Variants in PPP3CC observed in about 807,000 individuals in gnomAD.
PPP3CC encodes serine/threonine-protein phosphatase 2B catalytic subunit gamma isoform.
PPP3CC carries 35 observed loss-of-function variants against 60.3 expected under a neutral mutation model. That is an observed-to-expected ratio of 0.58 (90% CI 0.44 to 0.77). The LOEUF is 0.77. Among genes scored for constraint, PPP3CC ranks in the 30% least tolerant of loss-of-function variants. The pLI is 0.00. For synonymous variants in PPP3CC, 206 were observed against 224.3 expected (o/e 0.92, Z 0.73); for missense variants, 570 against 628.9 (o/e 0.91, Z 1.00).
intron 4 of PPP3CC, among the ~76,000 whole-genome samples, chr8:22,510,182 C>CA (rs71546815): frequency 0.55 from 48,048 of 87,898 alleles, 11,472 homozygotes; most frequent in East Asian, 0.63. Context: ...GACTCCGTCT[C>CA]AAAAAAAAAA....
chr8:22,503,801 CT>C, intron 4 of PPP3CC, among the ~76,000 whole-genome samples: 1 of 152,244 alleles, frequency 6.6e-6, no homozygotes, highest in South Asian at 2.1e-4. Context: ...GATATTCCTT[CT>C]TTTTTATTAT....
chr8:22,511,546 A>G (rs1233169856), intron 5 of PPP3CC, among the ~76,000 whole-genome samples: 1 of 152,180 alleles, frequency 6.6e-6, no homozygotes, highest in Admixed American at 6.5e-5. Flanking sequence ...CTGGGATTAC[A>G]GGTGTGAGCC....
intron 1 of PPP3CC, among the ~76,000 whole-genome samples, chr8:22,445,640 A>G (rs1836798130): frequency 6.6e-6 from 1 of 152,200 alleles, no homozygotes; most frequent in East Asian, 1.9e-4. Flanking sequence ...ATCAGCATGG[A>G]AATGGTTTTA....
rs553730967 is a variant in PPP3CC at position 22,523,194 on chromosome 8, CA to C, written c.943+454del. On this transcript the variant is annotated intron_variant, in intron 8 of 13. Transcript: ENST00000240139. ...GGTAGAGTGACCTAGTGTACAAAGT[CA>C]AAAAAAAACCTTCATTTTTAGTTTA... Among the ~76,000 whole-genome samples, 1,069 of 149,718 alleles carry C rather than the reference CA, an allele frequency of 7.1e-3. 10 individuals are homozygous for C. The highest frequency in any genetic ancestry group is 0.021 in the Middle Eastern group (6 of 290).
intron 4 of PPP3CC, among the ~76,000 whole-genome samples, chr8:22,510,163 A>T (rs1839042906): frequency 7.0e-6 from 1 of 143,440 alleles, no homozygotes; most frequent in African/African-American, 2.6e-5. Context: ...AGCCTGGGGG[A>T]CAGAGCAAGA....
chr8:22,472,443 A>G (rs1837757410), intron 1 of PPP3CC, among the ~76,000 whole-genome samples: 1 of 148,794 alleles, frequency 6.7e-6, no homozygotes, highest in Non-Finnish European at 1.5e-5. Flanking sequence ...GATCATGAAT[A>G]TCCCTGGCTT....
rs111999317 is a variant in PPP3CC at position 22,510,328 on chromosome 8, A to G, written c.485-758A>G. On this transcript the variant is annotated intron_variant, in intron 4 of 13. Transcript: ENST00000240139. Reference sequence around the variant, plus strand: ...ACACCAGTTTAAGCCAAATGTTTTTAGAGAAAATAGAATCAAGACATAATT... The same window carrying G: ...ACACCAGTTTAAGCCAAATGTTTTTGGAGAAAATAGAATCAAGACATAATT... 3.8e-3 allele frequency among the ~76,000 whole-genome samples: 585 copies of G among 152,322 alleles called. 4 individuals are homozygous for G. Among genetic ancestry groups the G allele is most frequent in the Non-Finnish European group, 5.5e-3 (371 of 68,034 alleles).
At chr8:22,500,823 T>C (rs1436114367) in intron 4 of PPP3CC, among the ~76,000 whole-genome samples, 1 of 152,212 alleles carries the variant, frequency 6.6e-6, no homozygotes, top group Non-Finnish European at 1.5e-5. Context: ...CAGCAGCTAA[T>C]TACCAGGAAG....
At chr8:22,479,234 ATTTATT>A (rs573786998) in intron 3 of PPP3CC, among the ~76,000 whole-genome samples, 184 of 152,248 alleles carry the variant, frequency 1.2e-3, no homozygotes, top group Non-Finnish European at 1.7e-3. Context: ...GTTATAAATA[ATTTATT>A]TTTAATAGAA....
intron 3 of PPP3CC, among the ~76,000 whole-genome samples, chr8:22,491,317 T>G (rs886674234): frequency 2.0e-5 from 3 of 152,206 alleles, no homozygotes; most frequent in Admixed American, 1.3e-4. Flanking sequence ...AGAATTCCTA[T>G]TTCCTCACAT....
chr8:22,449,983 C>T (rs1381724334), intron 1 of PPP3CC, among the ~76,000 whole-genome samples: 1 of 151,526 alleles, frequency 6.6e-6, no homozygotes, highest in East Asian at 1.9e-4. Flanking sequence ...TATCCTGCCT[C>T]AGCCTCCTGA....
intron 3 of PPP3CC, among the ~76,000 whole-genome samples, chr8:22,490,337 G>A (rs1227579904): frequency 6.6e-6 from 1 of 152,048 alleles, no homozygotes; most frequent in Non-Finnish European, 1.5e-5. Flanking sequence ...TATTCTGTCG[G>A]GTTCCCAGGT....
At chr8:22,506,819 G>A (rs933029310) in intron 4 of PPP3CC, among the ~76,000 whole-genome samples, 97 of 152,200 alleles carry the variant, frequency 6.4e-4, no homozygotes, top group African/African-American at 2.1e-3. Context: ...GTGGGTGCCT[G>A]TAGTCCCAGC....
chr8:22,498,104 A>G lies in PPP3CC; in HGVS notation c.476A>G (p.Lys159Arg), dbSNP rs1178259768. 1.9e-6 allele frequency: 3 copies of G among 1,602,548 alleles called. No individual in the cohort carries two copies. The highest frequency in any genetic ancestry group is 2.7e-5 in the African/African-American group (2 of 74,784). Residue 159 changes from lysine to arginine, a missense_variant, in exon 4 of 14, where the codon AAA becomes AGA. By Grantham distance (26) the Lys-to-Arg change is conservative. Coordinates refer to ENST00000240139, the MANE Select transcript of PPP3CC (RefSeq NM_005605.5). ...CRHLTDYFTF[K>R]QECRIKYSEQ... is the part of the protein sequence containing the mutation. Reference sequence around the variant, plus strand: ...CATCTTACAGACTATTTCACCTTCAAACAGGAATGTAAGTATAATCACTCC... The same window carrying G: ...CATCTTACAGACTATTTCACCTTCAGACAGGAATGTAAGTATAATCACTCC...
intron 3 of PPP3CC, among the ~76,000 whole-genome samples, chr8:22,492,064 T>C (rs1263509709): frequency 1.3e-5 from 2 of 151,952 alleles, no homozygotes; most frequent in Non-Finnish European, 2.9e-5. Context: ...CATCATAGAG[T>C]GTACTTACAT....
intron 1 of PPP3CC, among the ~76,000 whole-genome samples, chr8:22,447,701 C>G (rs961492901): frequency 5.9e-5 from 9 of 152,202 alleles, no homozygotes; most frequent in African/African-American, 2.2e-4. Context: ...TAAGTGGTAT[C>G]TTTCTTAGTT....
intron 6 of PPP3CC, among the ~76,000 whole-genome samples, chr8:22,522,143 A>G (rs58749047): frequency 1.4e-3 from 66 of 47,964 alleles, no homozygotes; most frequent in East Asian, 8.3e-3. Flanking sequence ...ACACACGCAC[A>G]CACACACACA....
chr8:22,475,430 C>A, intron 2 of PPP3CC, 70 bp from the exon 3 acceptor site: 1 of 1,470,502 alleles, frequency 6.8e-7, no homozygotes, highest in South Asian at 1.3e-5. Context: ...AAACTGTGAT[C>A]CCTTTTGGTG....
intron 1 of PPP3CC, among the ~76,000 whole-genome samples, chr8:22,458,814 A>G (rs184451654): frequency 2.2e-4 from 33 of 152,140 alleles, no homozygotes; most frequent in South Asian, 1.9e-3. Context: ...AATCTCCCCA[A>G]CTGGTGTTGG....
Sources: allele counts gnomAD v4.1 joint callset (sites outside exome capture counted in the v4.1 genomes callset), GRCh38; gene constraint gnomAD v4.1.1; transcripts MANE v1.5; gene names NCBI Gene and HGNC (gene_info 2026-07-23, HGNC 2026-07-21).